The following XRCC1 variants were observed in gnomAD, a reference collection of about 807,000 sequenced individuals.
The protein encoded by XRCC1 is DNA repair protein XRCC1.
In XRCC1, 52 loss-of-function variants were observed where a neutral mutation model predicts 83.3. The ratio of observed to expected loss-of-function variants is 0.62; its 90% confidence interval spans 0.50 to 0.79. XRCC1 has a LOEUF of 0.79. Among genes scored for constraint, XRCC1 ranks in the 30% least tolerant of loss-of-function variants. The pLI, the probability that XRCC1 is intolerant of heterozygous loss-of-function variation, is 0.00. For synonymous variants in XRCC1, 281 were observed against 312.6 expected (o/e 0.90, Z 1.07); for missense variants, 793 against 823.5 (o/e 0.96, Z 0.45).
At chr19:43,574,767 G>T in intron 2 of XRCC1, 143 bp downstream of exon 2, 2 of 670,416 alleles carry the variant, frequency 3.0e-6, no homozygotes, top group South Asian at 1.7e-5. Flanking sequence ...GGGGCACAGG[G>T]ATTATGCTGC....
intron 5 of XRCC1, 31 bp from the exon 6 acceptor site, chr19:43,553,543 G>A (rs1404576848): frequency 6.2e-7 from 1 of 1,613,638 alleles, no homozygotes; most frequent in East Asian, 2.2e-5. Flanking sequence ...TATTATAGGT[G>A]GGCTGCTGGC....
chr19:43,568,627 A>G (rs1176726782), intron 2 of XRCC1, among the ~76,000 whole-genome samples: 1 of 151,934 alleles, frequency 6.6e-6, no homozygotes, highest in Non-Finnish European at 1.5e-5. Context: ...TATACTATGA[A>G]TTTTTTAAAA....
intron 2 of XRCC1, among the ~76,000 whole-genome samples, chr19:43,568,392 G>C (rs1055447848): frequency 6.6e-6 from 1 of 152,008 alleles, no homozygotes; most frequent in Non-Finnish European, 1.5e-5. Context: ...AGCTACTAGG[G>C]AGATTGAGGC....
intron 3 of XRCC1, among the ~76,000 whole-genome samples, chr19:43,557,792 C>CAAAAAAAAAAAAA (rs35267441): frequency 2.4e-5 from 1 of 41,002 alleles, no homozygotes; most frequent in African/African-American, 8.1e-5. Context: ...AATTCCATCT[C>CAAAAAAAAAAAAA]AAAAAAAAAA....
intron 3 of XRCC1, 56 bp downstream of exon 3, chr19:43,560,854 G>A (rs1164655704): frequency 1.4e-6 from 2 of 1,430,526 alleles, no homozygotes; most frequent in Non-Finnish European, 2.0e-6. Flanking sequence ...GGGAGACGGT[G>A]ATGCGAGCAT....
rs1356830197 is a variant in XRCC1 at position 43,553,027 on chromosome 19, G to A, written c.666C>T (p.Ala222=). Residue 222 remains alanine (A), a synonymous_variant, in exon 7 of 17, where the codon GCC becomes GCT. Coordinates refer to ENST00000262887, the MANE Select transcript of XRCC1 (RefSeq NM_006297.3). ...CCCTGGAGACTGGAGAGGCTGAGGAGGCAGCACTAGAAGCCTGGAGGGTAG... is the reference window on the plus strand; with the variant it reads ...CCCTGGAGACTGGAGAGGCTGAGGAAGCAGCACTAGAAGCCTGGAGGGTAG... ...AAATLQASSA[A]SSASPVSRAI... The A allele has an allele frequency of 6.2e-7, 1 of 1,601,198 alleles. No individual in the cohort carries two copies. Among genetic ancestry groups the A allele is most frequent in the Non-Finnish European group, 8.5e-7 (1 of 1,174,098 alleles).
In XRCC1 at chr19:43,575,406, A is replaced by G; in HGVS notation, c.51+2T>C. Reference sequence around the variant, plus strand: ...CCAACCTCCCCCATGCAGGTCCCTCACCGAGTCCTGGCTGCTGCAGGACAC... The same window carrying G: ...CCAACCTCCCCCATGCAGGTCCCTCGCCGAGTCCTGGCTGCTGCAGGACAC... On this transcript the variant is annotated splice_donor_variant, in intron 1 of 16. Coordinates refer to ENST00000262887, the MANE Select transcript of XRCC1 (RefSeq NM_006297.3). LOFTEE classifies it high-confidence loss of function. 1 of 1,603,010 alleles carries G rather than the reference A, an allele frequency of 6.2e-7. No individual in the cohort carries two copies. The highest frequency in any genetic ancestry group is 8.5e-7 in the Non-Finnish European group (1 of 1,172,276).
intron 10 of XRCC1, among the ~76,000 whole-genome samples, chr19:43,547,622 C>T (rs1426698654): frequency 6.6e-6 from 1 of 152,056 alleles, no homozygotes; most frequent in Non-Finnish European, 1.5e-5. Context: ...ACTGCGATTA[C>T]AGGCATGTGC....
At position 43,552,250 on chromosome 19, in the gene XRCC1, G is replaced by A. The variant is rs1168487492; in HGVS notation, c.849C>T (p.Ala283=). 1 of 1,610,618 alleles carries A rather than the reference G, an allele frequency of 6.2e-7. No individual in the cohort carries two copies. The highest frequency in any genetic ancestry group is 8.5e-7 in the Non-Finnish European group (1 of 1,178,900). ...PKLPAPTRTP[A]TAPVPARAQG... ...GTGCTCGGGCAGGGACTGGGGCTGT[G>A]GCTGGGGTACGAGTTGGAGCTGGCA... Residue 283 remains alanine, a synonymous_variant, in exon 9 of 17, where the codon GCC becomes GCT. Transcript: ENST00000262887.
chr19:43,548,067 G>GCGGGGAGGTGGGGGGCCAGCCGCCCCGTC (rs1568511993), intron 10 of XRCC1, among the ~76,000 whole-genome samples: 1 of 51,814 alleles, frequency 1.9e-5, no homozygotes, highest in African/African-American at 1.0e-4. Context: ...CGCCCCGTCG[G>GCGGGGAGGTGGGGGGCCAGCCGCCCCGTC]GGGGGAGGTG....
At chr19:43,574,491 A>G (rs1471447977) in intron 2 of XRCC1, 1 of 161,820 alleles carries the variant, frequency 6.2e-6, no homozygotes, top group Admixed American at 6.0e-5. Flanking sequence ...TCAGGCTCTG[A>G]AAGTGCTGGG....
At chr19:43,553,747 C>G (rs1388616214) in intron 4 of XRCC1, 64 bp from the exon 5 acceptor site, 22 of 1,375,056 alleles carry the variant, frequency 1.6e-5, no homozygotes, top group Non-Finnish European at 2.0e-5. Context: ...GCCCAAGACC[C>G]TTTTCACTCA....
In XRCC1 at chr19:43,545,964, G is replaced by C; in HGVS notation, c.1482-7C>G. On this transcript the variant is annotated splice_polypyrimidine_tract_variant and splice_region_variant and intron_variant, in intron 13 of 16. Transcript: ENST00000262887. The stretch of plus-strand genomic sequence containing the variant: ...TTCCTTCTGCTCTGCCACCCTGGGG[G>C]TGCCAAGAGGAGTAGAGAGTGAGCA... The C allele has an allele frequency of 6.2e-7, 1 of 1,613,780 alleles. No individual in the cohort carries two copies. The highest frequency in any genetic ancestry group is 1.1e-5 in the South Asian group (1 of 91,064).
In XRCC1 at chr19:43,543,356, GTGT is replaced by G. The variant is rs1972473545; in HGVS notation, c.*33_*35del. The G allele has an allele frequency of 1.6e-6, 2 of 1,249,880 alleles. No homozygotes were observed. The highest frequency in any genetic ancestry group is 3.2e-5 in the African/African-American group (2 of 63,162). 77.4% of individuals were successfully genotyped at this position (1,249,880 alleles called of 1,614,324 possible). A position where few individuals can be genotyped will look rare whatever the true frequency, so the allele number is the denominator to read the frequency against. On this transcript the variant is annotated 3_prime_UTR_variant, in exon 17 of 17. Transcript: ENST00000262887. ...TTAAATGCATCGTGTGTGTGTGTGTGTGTGTGTGTGTGTGTGTGTGTGTATAGC... is the reference window on the plus strand; with the variant it reads ...TTAAATGCATCGTGTGTGTGTGTGTGGTGTGTGTGTGTGTGTGTGTATAGC...
At chr19:43,543,725 G>A (rs779925892) in intron 15 of XRCC1, 38 bp from the exon 16 acceptor site, 27 of 1,599,000 alleles carry the variant, frequency 1.7e-5, no homozygotes, top group Non-Finnish European at 2.3e-5. Flanking sequence ...AGGCACATCA[G>A]GGAATCAGCA....
In XRCC1 at chr19:43,553,897, C is replaced by G. The variant is rs567490986; in HGVS notation, c.415-214G>C. 4 of 483,888 alleles carry G rather than the reference C, an allele frequency of 8.3e-6. No individual in the cohort carries two copies. The South Asian group carries it at 2.2e-4, about 26-fold the overall frequency. 30.0% of individuals were successfully genotyped at this position (483,888 alleles called of 1,614,324 possible). On this transcript the variant is annotated intron_variant, in intron 4 of 16. Coordinates refer to ENST00000262887, the MANE Select transcript of XRCC1 (RefSeq NM_006297.3). ...AGTCTGGCTCCAAGCCCTTTTCACG[C>G]ATTAGCTCTTTGGGCAATTGGCAGA...
chr19:43,571,196 C>T (rs1400083195), intron 2 of XRCC1, among the ~76,000 whole-genome samples: 2 of 152,268 alleles, frequency 1.3e-5, no homozygotes, highest in Non-Finnish European at 2.9e-5. Flanking sequence ...ACCCTGTTAC[C>T]TCATCTCCTA....
In XRCC1 at chr19:43,548,496, CAT is replaced by C. The variant is rs749074393; in HGVS notation, c.1200-1521_1200-1520del. On this transcript the variant is annotated intron_variant, in intron 10 of 16. Coordinates refer to ENST00000262887, the MANE Select transcript of XRCC1 (RefSeq NM_006297.3). Reference sequence around the variant, plus strand: ...ACCCTCAACCCTGTGCTCTCTGAAACATGTGTTGTGTCCACTCAGGGTTAAAT... The same window carrying C: ...ACCCTCAACCCTGTGCTCTCTGAAACGTGTTGTGTCCACTCAGGGTTAAAT... Among the ~76,000 whole-genome samples the C allele has an allele frequency of 9.3e-4, 141 of 152,302 alleles. 3 individuals are homozygous for C. Among genetic ancestry groups the C allele is most frequent in the Middle Eastern group, 3.4e-3 (1 of 294 alleles).
In XRCC1 at chr19:43,553,425, TGAA is replaced by T. The variant is rs1470695765; in HGVS notation, c.574_576del (p.Phe192del). On this transcript the variant is annotated inframe_deletion, in exon 6 of 17. Transcript: ENST00000262887. ...CCTGGGGATGTCTTGTTGATCCGGC[TGAA>T]GAAGAGAGCCCCCGGCCTCAGAGAG... The T allele has an allele frequency of 2.5e-6, 4 of 1,614,154 alleles. No homozygotes were observed. Among genetic ancestry groups the T allele is most frequent in the Admixed American group, 3.3e-5 (2 of 60,018 alleles).
Sources: allele counts gnomAD v4.1 joint callset (sites outside exome capture counted in the v4.1 genomes callset), GRCh38; gene constraint gnomAD v4.1.1; transcripts MANE v1.5; gene names NCBI Gene and HGNC (gene_info 2026-07-23, HGNC 2026-07-21).